Variants in CTNND2 observed in about 807,000 individuals in gnomAD.
CTNND2 encodes catenin delta-2.
In CTNND2, 22 loss-of-function variants were observed where a neutral mutation model predicts 144.4. That is an observed-to-expected ratio of 0.15 (90% CI 0.11 to 0.22). CTNND2 has a LOEUF of 0.22. CTNND2 is among the 10% of genes least tolerant of loss of function. The pLI is 1.00. For synonymous variants in CTNND2, 751 were observed against 695.6 expected (o/e 1.08, Z -1.25); for missense variants, 1,353 against 1,618.8 (o/e 0.84, Z 2.82).
chr5:11,544,601 C>G (rs1363709805), intron 3 of CTNND2, among the ~76,000 whole-genome samples: 2 of 151,988 alleles, frequency 1.3e-5, no homozygotes, highest in African/African-American at 2.4e-5. Flanking sequence ...TACTACTCAG[C>G]AAAAAAGGAA....
chr5:11,830,876 A>G (rs1319828153), intron 1 of CTNND2, among the ~76,000 whole-genome samples: 2 of 152,222 alleles, frequency 1.3e-5, no homozygotes, highest in Non-Finnish European at 2.9e-5. Flanking sequence ...TCAATGTAGA[A>G]AAATCTATTT....
At chr5:11,420,297 C>T (rs151330802) in intron 3 of CTNND2, among the ~76,000 whole-genome samples, 2 of 152,140 alleles carry the variant, frequency 1.3e-5, no homozygotes, top group African/African-American at 4.8e-5. Flanking sequence ...CATTCCAGCC[C>T]GGGCGACAGT....
At chr5:11,711,094 C>T (rs186513940) in intron 2 of CTNND2, among the ~76,000 whole-genome samples, 16 of 151,594 alleles carry the variant, frequency 1.1e-4, no homozygotes, top group Non-Finnish European at 2.1e-4. Context: ...GAGAGGAAGT[C>T]TCACTCTGTC....
intron 16 of CTNND2, among the ~76,000 whole-genome samples, chr5:11,038,195 G>A (rs1270341153): frequency 1.3e-5 from 2 of 152,100 alleles, no homozygotes; most frequent in African/African-American, 4.8e-5. Flanking sequence ...CTTAGGGCAG[G>A]GGTCCCCAAG....
At chr5:11,441,572 C>T (rs1000021703) in intron 3 of CTNND2, among the ~76,000 whole-genome samples, 2 of 150,354 alleles carry the variant, frequency 1.3e-5, no homozygotes, top group East Asian at 2.0e-4. Flanking sequence ...TTAGTAGAGA[C>T]GGGGTTTCAC....
In CTNND2 at chr5:11,321,916, C is replaced by T. The variant is rs113676570; in HGVS notation, c.1628+24456G>A. On this transcript the variant is annotated intron_variant, in intron 9 of 21. Transcript: ENST00000304623. ...CTCCCCACTCCTTATGGCCATGATT[C>T]CAAGCACAATGAATACATCTGGTTA... is the stretch of plus-strand genomic sequence containing the variant. Among the ~76,000 whole-genome samples, 932 of 152,212 alleles carry T rather than the reference C, an allele frequency of 6.1e-3. 8 individuals are homozygous for T. The highest frequency in any genetic ancestry group is 0.021 in the African/African-American group (872 of 41,518).
chr5:10,993,220 T>C (rs958299196), intron 18 of CTNND2, among the ~76,000 whole-genome samples: 3 of 152,170 alleles, frequency 2.0e-5, no homozygotes, highest in Non-Finnish European at 2.9e-5. Context: ...GAATGATATT[T>C]TTCAATATAG....
Position 11,661,583 on chromosome 5 carries a change from T to C in CTNND2, c.174+70553A>G, listed in dbSNP as rs1335471048. On this transcript the variant is annotated intron_variant, in intron 2 of 21. Coordinates refer to ENST00000304623, the MANE Select transcript of CTNND2 (RefSeq NM_001332.4). ...TAGCACTCTTCCCAAACCTACAGGT[T>C]CATGCTTACATCTAACTCCTTACTA... Among the ~76,000 whole-genome samples the C allele has an allele frequency of 5.3e-5, 8 of 152,254 alleles. No homozygotes were observed. In the East Asian group the frequency reaches 1.5e-3, roughly 29 times the overall value.
At chr5:11,437,623 G>A (rs989985653) in intron 3 of CTNND2, among the ~76,000 whole-genome samples, 1 of 152,076 alleles carries the variant, frequency 6.6e-6, no homozygotes, top group Admixed American at 6.5e-5. Context: ...GAGCATTTGG[G>A]GTTGAAGGCA....
At chr5:11,018,496 C>T (rs1388360543) in intron 17 of CTNND2, among the ~76,000 whole-genome samples, 1 of 152,136 alleles carries the variant, frequency 6.6e-6, no homozygotes, top group African/African-American at 2.4e-5. Context: ...AAAAGCTGGG[C>T]CTCTTGTGCC....
At chr5:11,049,373 G>T (rs1195813699) in intron 16 of CTNND2, among the ~76,000 whole-genome samples, 2 of 152,106 alleles carry the variant, frequency 1.3e-5, no homozygotes, top group Non-Finnish European at 2.9e-5. Flanking sequence ...ACTTGTCTGT[G>T]GAGTGCAATA....
intron 11 of CTNND2, among the ~76,000 whole-genome samples, chr5:11,168,324 G>A (rs972607598): frequency 3.3e-5 from 5 of 152,126 alleles, no homozygotes; most frequent in African/African-American, 1.2e-4. Flanking sequence ...GCTACTACAA[G>A]AAGTAGAAAG....
chr5:11,504,827 G>A (rs1008265238), intron 3 of CTNND2, among the ~76,000 whole-genome samples: 3 of 152,180 alleles, frequency 2.0e-5, no homozygotes, highest in African/African-American at 7.2e-5. Context: ...ACTACCGAGT[G>A]CAGCTTTAGA....
chr5:11,703,744 A>T (rs1316431779), intron 2 of CTNND2, among the ~76,000 whole-genome samples: 3 of 152,176 alleles, frequency 2.0e-5, no homozygotes, highest in African/African-American at 4.8e-5. Flanking sequence ...ATGGATTTTT[A>T]AAAAGGGTGA....
intron 1 of CTNND2, among the ~76,000 whole-genome samples, chr5:11,865,205 T>C (rs1443264134): frequency 6.6e-6 from 1 of 152,174 alleles, no homozygotes; most frequent in Non-Finnish European, 1.5e-5. Flanking sequence ...GTTCTTGTTT[T>C]TGAATGTGTA....
chr5:11,684,400 C>A (rs1256344914), intron 2 of CTNND2, among the ~76,000 whole-genome samples: 2 of 152,042 alleles, frequency 1.3e-5, no homozygotes, highest in Non-Finnish European at 2.9e-5. Flanking sequence ...CCGCAGCCGG[C>A]CTACATGTTA....
At chr5:11,491,868 G>A (rs1341081272) in intron 3 of CTNND2, among the ~76,000 whole-genome samples, 1 of 152,146 alleles carries the variant, frequency 6.6e-6, no homozygotes, top group African/African-American at 2.4e-5. Flanking sequence ...AACTACTTGT[G>A]ACGCATTCTA....
chr5:11,469,295 C>T (rs942716039), intron 3 of CTNND2, among the ~76,000 whole-genome samples: 1 of 152,116 alleles, frequency 6.6e-6, no homozygotes, highest in East Asian at 1.9e-4. Flanking sequence ...TTTTTGCATG[C>T]AGATTGTAAT....
chr5:11,719,979 C>A (rs574549106), intron 2 of CTNND2, among the ~76,000 whole-genome samples: 2 of 151,954 alleles, frequency 1.3e-5, no homozygotes, highest in African/African-American at 4.8e-5. Flanking sequence ...AGGCAATGGA[C>A]GAAGCCAGTG....
Sources: gnomAD v4.1 joint callset for allele counts (sites outside exome capture counted in the v4.1 genomes callset) on GRCh38, gnomAD v4.1.1 for gene constraint, MANE v1.5 for transcripts, NCBI Gene and HGNC (gene_info 2026-07-23, HGNC 2026-07-21) for gene names.